Variants in RP2 observed in about 807,000 individuals in gnomAD.
RP2 encodes the protein protein XRP2.
RP2 carries 3 observed loss-of-function variants against 20.3 expected under a neutral mutation model. That is an observed-to-expected ratio of 0.15 (90% CI 0.07 to 0.38). The LOEUF is 0.38. RP2 is among the 10% of genes least tolerant of loss of function. The probability of loss-of-function intolerance (pLI) is 1.00; values close to 1 mark genes in which losing one functional copy is unlikely to be tolerated. For missense variants in RP2, 233 were observed against 268.5 expected, an observed-to-expected ratio of 0.87 and a Z score of 0.92; for synonymous variants, 75 against 94.8, an observed-to-expected ratio of 0.79 and a Z score of 1.22.
chrX:46,852,046 T>G (rs1602347218), intron 1 of RP2, among the ~76,000 whole-genome samples: 1 of 108,315 alleles, frequency 9.2e-6, no homozygotes, highest in East Asian at 2.9e-4. Flanking sequence ...GAAAAAAAAA[T>G]ACAAAAACAA....
At chrX:46,850,792 A>G (rs1181751579) in intron 1 of RP2, among the ~76,000 whole-genome samples, 2 of 111,587 alleles carry the variant, frequency 1.8e-5, no homozygotes, top group African/African-American at 6.5e-5. Context: ...CTCTCATTAC[A>G]TGGTCAAGTT....
At chrX:46,878,696 GA>G (rs1569532456) in intron 4 of RP2, among the ~76,000 whole-genome samples, 1 of 111,326 alleles carries the variant, frequency 9.0e-6, no homozygotes, top group Non-Finnish European at 1.9e-5. Context: ...AAAATGGTTA[GA>G]ATTTGGACTT....
chrX:46,837,172 A>T lies in RP2; in HGVS notation c.72A>T (p.Pro24=). 1 of 1,170,529 alleles carries T rather than the reference A, an allele frequency of 8.5e-7. No individual in the cohort carries two copies. The highest frequency in any genetic ancestry group is 1.1e-6 in the Non-Finnish European group (1 of 874,615). ...GGCCCGAGAACGAGGAGGAGCGGCC[A>T]AAGCAGTACAGCTGGGATCAGCGCG... is the stretch of plus-strand genomic sequence containing the variant. The part of the protein sequence containing the change: ...ESRPENEEER[P]KQYSWDQREK... Residue 24 remains proline (P), a synonymous_variant, in exon 1 of 5, where the codon CCA becomes CCT. Coordinates refer to ENST00000218340, the MANE Select transcript of RP2 (RefSeq NM_006915.3).
chrX:46,870,559 A>G (rs1286267830), intron 3 of RP2, among the ~76,000 whole-genome samples: 2 of 111,769 alleles, frequency 1.8e-5, no homozygotes, highest in African/African-American at 6.5e-5. Flanking sequence ...GGCCTAGGGG[A>G]TATTTTAAAC....
At chrX:46,847,173 T>C (rs1199469538) in intron 1 of RP2, among the ~76,000 whole-genome samples, 8 of 112,471 alleles carry the variant, frequency 7.1e-5, no homozygotes, top group African/African-American at 2.6e-4. Flanking sequence ...ATATCTTTGG[T>C]AAAATGTTTA....
chrX:46,872,320 G>A (rs187065443), intron 3 of RP2, among the ~76,000 whole-genome samples: 2 of 112,244 alleles, frequency 1.8e-5, no homozygotes, highest in African/African-American at 6.5e-5. Flanking sequence ...TCTTTTAACT[G>A]CTGTATTTAG....
At chrX:46,863,052 C>T (rs1188231812) in intron 3 of RP2, among the ~76,000 whole-genome samples, 1 of 112,184 alleles carries the variant, frequency 8.9e-6, no homozygotes, top group Non-Finnish European at 1.9e-5. Context: ...GGGAATTATT[C>T]TGGATTAAGA....
chrX:46,840,309 G>C (rs781951880), intron 1 of RP2, among the ~76,000 whole-genome samples: 4 of 111,844 alleles, frequency 3.6e-5, no homozygotes, highest in Non-Finnish European at 7.5e-5. Context: ...GGCACCCCTT[G>C]GGTTTTGGGG....
intron 2 of RP2, among the ~76,000 whole-genome samples, chrX:46,859,458 C>T (rs782619223): frequency 2.2e-3 from 230 of 104,500 alleles, no homozygotes; most frequent in Non-Finnish European, 4.0e-3. Flanking sequence ...CACTACATTC[C>T]AGCCAGGGCA....
intron 3 of RP2, among the ~76,000 whole-genome samples, chrX:46,863,248 T>C (rs1925109240): frequency 8.9e-6 from 1 of 111,940 alleles, no homozygotes; most frequent in African/African-American, 3.2e-5. Flanking sequence ...GCTGAAGTGT[T>C]CTTATGTCTG....
intron 4 of RP2, among the ~76,000 whole-genome samples, chrX:46,878,388 AAAAAG>A (rs1925412805): frequency 1.8e-5 from 2 of 110,161 alleles, no homozygotes; most frequent in African/African-American, 6.6e-5. Context: ...AAAAAAAAAA[AAAAAG>A]AAATCATCAC....
chrX:46,846,664 A>G (rs1924720219), intron 1 of RP2, among the ~76,000 whole-genome samples: 1 of 112,016 alleles, frequency 8.9e-6, no homozygotes, highest in Non-Finnish European at 1.9e-5. Flanking sequence ...CATTTTGCCT[A>G]CCAGCAGTAT....
chrX:46,870,145 TCAGC>T (rs1220427554), intron 3 of RP2, among the ~76,000 whole-genome samples: 2 of 111,069 alleles, frequency 1.8e-5, no homozygotes, highest in Non-Finnish European at 3.8e-5. Context: ...TCTTGCTCTG[TCAGC>T]CAGGGTAGAG....
intron 2 of RP2, among the ~76,000 whole-genome samples, chrX:46,856,601 A>G (rs966130084): frequency 8.9e-6 from 1 of 112,008 alleles, no homozygotes; most frequent in Middle Eastern, 4.6e-3. Context: ...AGCTGGAAAA[A>G]GCAGAGCCAT....
intron 3 of RP2, among the ~76,000 whole-genome samples, chrX:46,862,941 A>G (rs1925103805): frequency 8.9e-6 from 1 of 112,405 alleles, no homozygotes; most frequent in Admixed American, 9.5e-5. Flanking sequence ...AATATGTTAA[A>G]TGACACCATA....
At chrX:46,855,462 C>A (rs1924940156) in intron 2 of RP2, among the ~76,000 whole-genome samples, 1 of 110,769 alleles carries the variant, frequency 9.0e-6, no homozygotes, top group Non-Finnish European at 1.9e-5. Flanking sequence ...ATGGAAAACT[C>A]ATCAAGTCTC....
chrX:46,864,108 T>G (rs1245911116), intron 3 of RP2, among the ~76,000 whole-genome samples: 2 of 109,941 alleles, frequency 1.8e-5, no homozygotes, highest in Non-Finnish European at 3.8e-5. Flanking sequence ...GCCTAGGAGT[T>G]CAAGACCAGC....
intron 1 of RP2, among the ~76,000 whole-genome samples, chrX:46,849,193 C>CT (rs782489103): frequency 2.4e-3 from 252 of 103,368 alleles, no homozygotes; most frequent in Middle Eastern, 4.9e-3. Context: ...TTTATTATTA[C>CT]TTTTTTTTTT....
At chrX:46,863,889 G>A (rs1322073105) in intron 3 of RP2, among the ~76,000 whole-genome samples, 2 of 111,861 alleles carry the variant, frequency 1.8e-5, no homozygotes, top group Non-Finnish European at 3.8e-5. Flanking sequence ...CTCTTCAGTT[G>A]CAATAGTCAC....
Sources: gnomAD v4.1 joint callset for allele counts (sites outside exome capture counted in the v4.1 genomes callset) on GRCh38, gnomAD v4.1.1 for gene constraint, MANE v1.5 for transcripts, NCBI Gene and HGNC (gene_info 2026-07-23, HGNC 2026-07-21) for gene names.